Variants in ZFPM2 observed in about 807,000 individuals in gnomAD.
ZFPM2 encodes the protein zinc finger protein ZFPM2.
A neutral mutation model predicts 98.6 loss-of-function variants in ZFPM2; 20 were observed. The ratio of observed to expected loss-of-function variants is 0.20; its 90% confidence interval spans 0.14 to 0.29. ZFPM2 has a LOEUF of 0.29. Among genes scored for constraint, ZFPM2 ranks in the 10% least tolerant of loss-of-function variants. The probability of loss-of-function intolerance (pLI) is 1.00; values close to 1 mark genes in which losing one functional copy is unlikely to be tolerated. For synonymous variants in ZFPM2, 518 were observed against 502.7 expected, an observed-to-expected ratio of 1.03 and a Z score of -0.41; for missense variants, 1,310 against 1,388.6, an observed-to-expected ratio of 0.94 and a Z score of 0.90.
At chr8:105,617,020 G>GGAAA (rs1816431048) in intron 4 of ZFPM2, among the ~76,000 whole-genome samples, 5 of 28,120 alleles carry the variant, frequency 1.8e-4, no homozygotes, top group Non-Finnish European at 2.3e-4. Context: ...ACTCTGTCTC[G>GGAAA]AAAAAAAAAA....
chr8:105,762,593 T>A (rs1343935941), intron 5 of ZFPM2, among the ~76,000 whole-genome samples: 1 of 152,016 alleles, frequency 6.6e-6, no homozygotes, highest in East Asian at 1.9e-4. Context: ...TGCATCAAGT[T>A]TGACTATTAG....
Position 105,516,161 on chromosome 8 carries a change from G to T in ZFPM2, c.302-45202G>T, listed in dbSNP as rs571318783. Among the ~76,000 whole-genome samples, 3 of 152,116 alleles carry T rather than the reference G, an allele frequency of 2.0e-5. No homozygotes were observed. The East Asian group carries it at 5.8e-4, about 30-fold the overall frequency. On this transcript the variant is annotated intron_variant, in intron 3 of 7. Transcript: ENST00000407775. Reference sequence around the variant, plus strand: ...GGCTGGTCTTGAACTTCTGACCTCAGGTGATCCGCCTGCCTCGGCCTTCTA... The same window carrying T: ...GGCTGGTCTTGAACTTCTGACCTCATGTGATCCGCCTGCCTCGGCCTTCTA...
intron 6 of ZFPM2, chr8:105,797,124 A>G (rs1813849552): frequency 6.6e-6 from 1 of 152,210 alleles, no homozygotes; most frequent in Non-Finnish European, 1.5e-5. Context: ...CACCCTTGCC[A>G]TGGAGGCATT....
chr8:105,714,277 G>C (rs994731774), intron 5 of ZFPM2, among the ~76,000 whole-genome samples: 6 of 151,902 alleles, frequency 3.9e-5, no homozygotes, highest in African/African-American at 1.2e-4. Flanking sequence ...GAACCTCATT[G>C]GCTTACAGAA....
At position 105,318,901 on chromosome 8, in the gene ZFPM2, C is replaced by G; in HGVS notation, c.-41C>G. The stretch of plus-strand genomic sequence containing the variant: ...GCCGAGGGAGCGGCAGCCGCGACCG[C>G]GGGCACCGCGGGAGCCCCAGCGGCA... On this transcript the variant is annotated 5_prime_UTR_variant, in exon 1 of 8. Coordinates refer to ENST00000407775, the MANE Select transcript of ZFPM2 (RefSeq NM_012082.4). 7.7e-7 allele frequency: 1 copy of G among 1,302,324 alleles called. No individual in the cohort carries two copies. Among genetic ancestry groups the G allele is most frequent in the South Asian group, 1.7e-5 (1 of 57,678 alleles). The allele number at this position is 1,302,324 out of a possible 1,614,324, so 80.7% of individuals were successfully genotyped here.
At chr8:105,370,336 C>T (rs1308840112) in intron 1 of ZFPM2, among the ~76,000 whole-genome samples, 1 of 152,116 alleles carries the variant, frequency 6.6e-6, no homozygotes, top group Admixed American at 6.5e-5. Context: ...ACTACCAGTT[C>T]AGAATAAGAA....
chr8:105,621,627 T>G (rs968145004), intron 4 of ZFPM2, among the ~76,000 whole-genome samples: 1 of 152,174 alleles, frequency 6.6e-6, no homozygotes, highest in African/African-American at 2.4e-5. Flanking sequence ...GTACCAATCA[T>G]AAACTTAAAA....
intron 1 of ZFPM2, among the ~76,000 whole-genome samples, chr8:105,401,944 G>T (rs1423865831): frequency 1.3e-5 from 2 of 151,986 alleles, no homozygotes; most frequent in Non-Finnish European, 2.9e-5. Context: ...GAACAGCATG[G>T]TAACATGTAA....
intron 1 of ZFPM2, 114 bp from the exon 2 acceptor site, chr8:105,419,030 C>T: frequency 2.2e-6 from 2 of 902,980 alleles, no homozygotes; most frequent in South Asian, 1.7e-5. Context: ...GGTGGTACTA[C>T]TTAGAGTATA....
chr8:105,610,182 A>G (rs1816279839), intron 4 of ZFPM2, among the ~76,000 whole-genome samples: 1 of 152,210 alleles, frequency 6.6e-6, no homozygotes, highest in Non-Finnish European at 1.5e-5. Context: ...CTTAGTAACA[A>G]TCAGAGAGCC....
chr8:105,661,805 C>T (rs1370228731), intron 5 of ZFPM2, among the ~76,000 whole-genome samples: 2 of 151,994 alleles, frequency 1.3e-5, no homozygotes, highest in African/African-American at 2.4e-5. Context: ...TTTGTCATCA[C>T]GCTTGAAGAA....
chr8:105,546,568 C>CAAAA (rs376278402), intron 3 of ZFPM2, among the ~76,000 whole-genome samples: 18 of 84,532 alleles, frequency 2.1e-4, no homozygotes, highest in Admixed American at 7.6e-4. Flanking sequence ...AGCTCAGTCT[C>CAAAA]AAAAAAAAAA....
At chr8:105,376,689 A>G (rs1222750947) in intron 1 of ZFPM2, among the ~76,000 whole-genome samples, 2 of 152,170 alleles carry the variant, frequency 1.3e-5, no homozygotes, top group African/African-American at 4.8e-5. Flanking sequence ...GCATCTTCTC[A>G]TATCCAATCT....
At chr8:105,770,838 A>G (rs1812963543) in intron 5 of ZFPM2, among the ~76,000 whole-genome samples, 2 of 152,186 alleles carry the variant, frequency 1.3e-5, no homozygotes, top group South Asian at 4.1e-4. Context: ...AGGAAGGTGC[A>G]GCTTAGACAT....
At chr8:105,763,001 A>G (rs778313481) in intron 5 of ZFPM2, among the ~76,000 whole-genome samples, 2 of 151,476 alleles carry the variant, frequency 1.3e-5, no homozygotes, top group Non-Finnish European at 2.9e-5. Flanking sequence ...AGACATATTT[A>G]TAGAATATAT....
At chr8:105,772,795 G>GATTT in intron 5 of ZFPM2, among the ~76,000 whole-genome samples, 1 of 152,240 alleles carries the variant, frequency 6.6e-6, no homozygotes, top group South Asian at 2.1e-4. Flanking sequence ...AATGGAAACT[G>GATTT]CCTTATTTTC....
chr8:105,775,669 G>C (rs1223938670), intron 5 of ZFPM2, among the ~76,000 whole-genome samples: 1 of 152,052 alleles, frequency 6.6e-6, no homozygotes, highest in Non-Finnish European at 1.5e-5. Context: ...GCTCGCCTTT[G>C]GGGTGTATGT....
chr8:105,697,215 C>T (rs942522100), intron 5 of ZFPM2, among the ~76,000 whole-genome samples: 2 of 152,112 alleles, frequency 1.3e-5, no homozygotes, highest in African/African-American at 4.8e-5. Flanking sequence ...ATACACAGTC[C>T]ATAATGAAGG....
At chr8:105,478,360 T>A (rs1455967189) in intron 3 of ZFPM2, among the ~76,000 whole-genome samples, 2 of 152,228 alleles carry the variant, frequency 1.3e-5, no homozygotes, top group Non-Finnish European at 2.9e-5. Context: ...TATTTGGATG[T>A]TGTTTAAAAA....
Sources: gnomAD v4.1 joint callset for allele counts (sites outside exome capture counted in the v4.1 genomes callset) on GRCh38, gnomAD v4.1.1 for gene constraint, MANE v1.5 for transcripts, NCBI Gene and HGNC (gene_info 2026-07-23, HGNC 2026-07-21) for gene names.